The following CAMTA1 variants were observed in gnomAD, a reference collection of about 807,000 sequenced individuals.
CAMTA1 encodes calmodulin binding transcription activator 1.
Under a neutral mutation model 170.9 loss-of-function variants are expected in CAMTA1, and 27 were observed. That is an observed-to-expected ratio of 0.16 (90% CI 0.12 to 0.22). The LOEUF (loss-of-function observed/expected upper bound fraction) is 0.22. CAMTA1 is among the 10% of genes least tolerant of loss of function. CAMTA1 has a pLI of 1.00. For missense variants in CAMTA1, 1,619 were observed against 2,217.2 expected, an observed-to-expected ratio of 0.73 and a Z score of 5.42; for synonymous variants, 833 against 891.5, an observed-to-expected ratio of 0.93 and a Z score of 1.17.
intron 3 of CAMTA1, among the ~76,000 whole-genome samples, chr1:6,957,055 G>C (rs1362118390): frequency 6.6e-6 from 1 of 152,234 alleles, no homozygotes. Context: ...CCACGAATCA[G>C]AGCGCCTTGG....
intron 6 of CAMTA1, among the ~76,000 whole-genome samples, chr1:7,632,785 C>A (rs748231806): frequency 1.3e-5 from 2 of 152,244 alleles, no homozygotes; most frequent in Non-Finnish European, 2.9e-5. Flanking sequence ...ACTTGAGTCC[C>A]CTCCGTGGGT....
In CAMTA1 at chr1:7,455,943, G is replaced by A. The variant is rs1258047318; in HGVS notation, c.439-11887G>A. ...TGTGTAGCCGAAGCTCCCAGCGCCA[G>A]AGGGTACAGCCTGAGCCTCCTTACC... On this transcript the variant is annotated intron_variant, in intron 5 of 22. Transcript: ENST00000303635. The surrounding 1 kb of genome is among the most constrained non-coding windows in gnomAD (Gnocchi z 5.0). 6.6e-6 allele frequency among the ~76,000 whole-genome samples: 1 copy of A among 152,238 alleles called. No individual in the cohort carries two copies. The highest frequency in any genetic ancestry group is 1.5e-5 in the Non-Finnish European group (1 of 68,046).
intron 9 of CAMTA1, among the ~76,000 whole-genome samples, chr1:7,668,388 A>AC (rs2096019808): frequency 4.9e-5 from 5 of 101,420 alleles, no homozygotes; most frequent in African/African-American, 1.1e-4. Flanking sequence ...GCTGGTCACC[A>AC]ACACACACAC....
At chr1:7,617,120 G>A (rs2095564200) in intron 6 of CAMTA1, among the ~76,000 whole-genome samples, 1 of 152,174 alleles carries the variant, frequency 6.6e-6, no homozygotes, top group Non-Finnish European at 1.5e-5. Context: ...AAGGAGCCAG[G>A]TTCGGCCACG....
At chr1:7,721,439 A>G (rs2096648889) in intron 11 of CAMTA1, among the ~76,000 whole-genome samples, 1 of 152,194 alleles carries the variant, frequency 6.6e-6, no homozygotes, top group African/African-American at 2.4e-5. Context: ...GTAGATGTCC[A>G]GTAGCTGCTA....
At chr1:7,488,648 CAT>C (rs567596977) in intron 6 of CAMTA1, among the ~76,000 whole-genome samples, 23 of 152,274 alleles carry the variant, frequency 1.5e-4, no homozygotes, top group African/African-American at 5.5e-4. Flanking sequence ...CATATAAGCA[CAT>C]ATGTGCACAC....
chr1:7,413,790 T>A (rs2149273176), intron 5 of CAMTA1, among the ~76,000 whole-genome samples: 1 of 152,316 alleles, frequency 6.6e-6, no homozygotes, highest in South Asian at 2.1e-4. Context: ...CTTCCAACAC[T>A]AGGTTGAATA....
At chr1:7,453,046 C>T (rs2092866895) in intron 5 of CAMTA1, among the ~76,000 whole-genome samples, 1 of 152,248 alleles carries the variant, frequency 6.6e-6, no homozygotes, top group East Asian at 1.9e-4. Context: ...CCAGGACCTC[C>T]TGGCCTGCTC....
At chr1:6,930,822 G>C (rs1335920429) in intron 3 of CAMTA1, among the ~76,000 whole-genome samples, 1 of 152,222 alleles carries the variant, frequency 6.6e-6, no homozygotes. Flanking sequence ...TCTGGAGCTT[G>C]GGCCTCTCTG....
intron 5 of CAMTA1, among the ~76,000 whole-genome samples, chr1:7,254,303 G>T (rs7551574): frequency 0.58 from 87,494 of 151,628 alleles, 25,583 homozygotes; most frequent in Non-Finnish European, 0.62. Flanking sequence ...TGGATGTTCT[G>T]CCTTTGGAAC....
intron 6 of CAMTA1, among the ~76,000 whole-genome samples, chr1:7,487,070 C>T (rs1401567138): frequency 6.6e-6 from 1 of 152,212 alleles, no homozygotes; most frequent in East Asian, 1.9e-4. Context: ...TGATACACGG[C>T]ACATAGTAGA....
At chr1:7,059,419 G>C (rs1707867610) in intron 3 of CAMTA1, among the ~76,000 whole-genome samples, 1 of 152,044 alleles carries the variant, frequency 6.6e-6, no homozygotes, top group African/African-American at 2.4e-5. Flanking sequence ...GAAGTTTGAG[G>C]CCAGCCTGGA....
At chr1:7,379,504 C>CG (rs1196825666) in intron 5 of CAMTA1, among the ~76,000 whole-genome samples, 4 of 152,034 alleles carry the variant, frequency 2.6e-5, no homozygotes, top group East Asian at 3.9e-4. Flanking sequence ...TTCAGGGAGC[C>CG]GGGAAAAAAC....
At chr1:6,811,050 C>T (rs917158614) in intron 1 of CAMTA1, among the ~76,000 whole-genome samples, 5 of 152,178 alleles carry the variant, frequency 3.3e-5, no homozygotes, top group Non-Finnish European at 5.9e-5. Context: ...TGCCCTTTGT[C>T]TTCATGTGCC....
chr1:7,688,204 C>T (rs1287961671), intron 11 of CAMTA1, among the ~76,000 whole-genome samples: 3 of 149,040 alleles, frequency 2.0e-5, no homozygotes, highest in African/African-American at 7.5e-5. Context: ...AGAGTTTCAC[C>T]ATGTTGGCCA....
chr1:7,564,582 G>T (rs2095011862), intron 6 of CAMTA1, among the ~76,000 whole-genome samples: 3 of 152,180 alleles, frequency 2.0e-5, no homozygotes, highest in Non-Finnish European at 2.9e-5. Flanking sequence ...CTGCGTGTGT[G>T]TCTGCAAGCT....
At chr1:6,864,827 A>G (rs1286434314) in intron 3 of CAMTA1, among the ~76,000 whole-genome samples, 3 of 151,996 alleles carry the variant, frequency 2.0e-5, no homozygotes, top group African/African-American at 4.8e-5. Context: ...TACTTGTTCT[A>G]TGTCGGAATT....
intron 6 of CAMTA1, among the ~76,000 whole-genome samples, chr1:7,622,612 T>C (rs2095606323): frequency 6.6e-6 from 1 of 152,226 alleles, no homozygotes; most frequent in Non-Finnish European, 1.5e-5. Flanking sequence ...TCCCTGTGAG[T>C]ATTTGATCTT....
chr1:6,990,358 T>C (rs1249002059), intron 3 of CAMTA1, among the ~76,000 whole-genome samples: 2 of 152,242 alleles, frequency 1.3e-5, no homozygotes, highest in Non-Finnish European at 2.9e-5. Context: ...AGATATGATA[T>C]ATCCATCACT....
Sources: gnomAD v4.1 joint callset for allele counts (sites outside exome capture counted in the v4.1 genomes callset) on GRCh38, gnomAD v4.1.1 for gene constraint, Gnocchi (gnomAD v3.1) non-coding constraint, MANE v1.5 for transcripts, NCBI Gene and HGNC (gene_info 2026-07-23, HGNC 2026-07-21) for gene names.